The following LYPLAL1 variants were observed in gnomAD, a reference collection of about 807,000 sequenced individuals.
LYPLAL1 encodes lysophospholipase-like protein 1.
A neutral mutation model predicts 19.7 loss-of-function variants in LYPLAL1; 23 were observed. That is an observed-to-expected ratio of 1.17 (90% CI 0.84 to 1.65). The LOEUF (loss-of-function observed/expected upper bound fraction) is 1.65. LYPLAL1 is among the 40% of genes most tolerant of loss of function. LYPLAL1 has a pLI of 0.00. For missense variants in LYPLAL1, 355 were observed against 279.4 expected (o/e 1.27, Z -1.93); for synonymous variants, 119 against 96.3 (o/e 1.24, Z -1.38).
Position 219,211,556 on chromosome 1 carries a change from T to C in LYPLAL1, c.542T>C (p.Leu181Ser), listed in dbSNP as rs767027595. The change falls in exon 5 of 5, where the codon TTA becomes TCA. Residue 181 changes from leucine (L) to serine (S), a missense_variant. Physicochemically the swap from Leu to Ser is moderately radical, Grantham distance 145 (BLOSUM62 -2). Transcript: ENST00000366928. ...CAGTGTCATGGTACTGCAGATGAGTTAGTTCTTCATTCTTGGGCAGAAGAG... is the reference window on the plus strand; with the variant it reads ...CAGTGTCATGGTACTGCAGATGAGTCAGTTCTTCATTCTTGGGCAGAAGAG... The part of the protein sequence containing the change: ...LFQCHGTADE[L>S]VLHSWAEETN... 5.3e-5 allele frequency: 85 copies of C among 1,613,296 alleles called. No homozygotes were observed. The highest frequency in any genetic ancestry group is 7.0e-5 in the Non-Finnish European group (82 of 1,179,508).
At chr1:219,253,811 GT>G in the LYPLAL1 span, among the ~76,000 whole-genome samples, 1 of 152,142 alleles carries the variant, frequency 6.6e-6, no homozygotes, top group East Asian at 1.9e-4. Flanking sequence ...CCAGTGTTGA[GT>G]TTAGGTTCTG....
At chr1:219,438,416 A>C in the LYPLAL1 span, among the ~76,000 whole-genome samples, 1 of 152,206 alleles carries the variant, frequency 6.6e-6, no homozygotes, top group Non-Finnish European at 1.5e-5. Context: ...AGAGGTCTAT[A>C]AAATATTTTG....
chr1:219,216,700 T>G (rs1659301950), downstream of LYPLAL1, among the ~76,000 whole-genome samples: 1 of 152,064 alleles, frequency 6.6e-6, no homozygotes, highest in Non-Finnish European at 1.5e-5. Context: ...TCTGCAGATC[T>G]CTGGTACTCT....
the LYPLAL1 span, among the ~76,000 whole-genome samples, chr1:219,337,344 A>C: frequency 1.3e-5 from 2 of 152,078 alleles, no homozygotes; most frequent in Admixed American, 6.6e-5. Flanking sequence ...TAAATTATTC[A>C]GGGAATAAGA....
chr1:219,318,316 C>G, the LYPLAL1 span, among the ~76,000 whole-genome samples: 5 of 152,200 alleles, frequency 3.3e-5, no homozygotes, highest in Admixed American at 6.5e-5. Context: ...GAAGTCTTCC[C>G]TGCCTCATCA....
chr1:219,390,885 T>TA, the LYPLAL1 span, among the ~76,000 whole-genome samples: 4 of 152,184 alleles, frequency 2.6e-5, no homozygotes, highest in Non-Finnish European at 5.9e-5. Flanking sequence ...GACTTGCACT[T>TA]ATATTAACTT....
At chr1:219,287,164 A>G in the LYPLAL1 span, among the ~76,000 whole-genome samples, 394 of 152,278 alleles carry the variant, frequency 2.6e-3, 1 homozygote, top group Middle Eastern at 6.8e-3. Context: ...TCTAAAACCA[A>G]AACAATCCTC....
At chr1:219,382,179 G>A in the LYPLAL1 span, among the ~76,000 whole-genome samples, 1 of 152,200 alleles carries the variant, frequency 6.6e-6, no homozygotes, top group African/African-American at 2.4e-5. Flanking sequence ...GCCCTCTCTG[G>A]ATGAAGAATC....
chr1:219,351,437 T>A, the LYPLAL1 span, among the ~76,000 whole-genome samples: 2 of 152,064 alleles, frequency 1.3e-5, no homozygotes, highest in African/African-American at 2.4e-5. Context: ...ATACTTAATG[T>A]TACTAACCCA....
the LYPLAL1 span, among the ~76,000 whole-genome samples, chr1:219,313,379 T>G: frequency 6.6e-6 from 1 of 152,252 alleles, no homozygotes; most frequent in African/African-American, 2.4e-5. Context: ...TTTATCCTCA[T>G]GTTGGTGACT....
the LYPLAL1 span, among the ~76,000 whole-genome samples, chr1:219,244,604 A>G: frequency 6.6e-6 from 1 of 152,174 alleles, no homozygotes; most frequent in Admixed American, 6.5e-5. Context: ...CATTGTTCCT[A>G]CAATTCCAAA....
At chr1:219,221,379 A>C in the LYPLAL1 span, among the ~76,000 whole-genome samples, 1 of 152,152 alleles carries the variant, frequency 6.6e-6, no homozygotes, top group Non-Finnish European at 1.5e-5. Context: ...TTCATGTAGC[A>C]CCTAGATGTC....
At chr1:219,346,119 T>C in the LYPLAL1 span, among the ~76,000 whole-genome samples, 17 of 152,118 alleles carry the variant, frequency 1.1e-4, no homozygotes, top group African/African-American at 4.1e-4. Context: ...TCACTGAGAC[T>C]ATGAGTATTG....
chr1:219,283,654 C>T, the LYPLAL1 span, among the ~76,000 whole-genome samples: 8,594 of 152,198 alleles, frequency 0.056, 322 homozygotes, highest in Non-Finnish European at 0.08. Flanking sequence ...ATTGCCTGTA[C>T]AGCCTTTGGG....
the LYPLAL1 span, among the ~76,000 whole-genome samples, chr1:219,434,357 C>G: frequency 6.6e-6 from 1 of 152,152 alleles, no homozygotes; most frequent in Non-Finnish European, 1.5e-5. Flanking sequence ...TAGTTAAATG[C>G]TGTTTATTCT....
Position 219,193,214 on chromosome 1 carries a change from A to G in LYPLAL1, c.324A>G (p.Glu108=), listed in dbSNP as rs754614121. The change falls in exon 3 of 5, where the codon GAA becomes GAG. Residue 108 remains glutamate (E), a synonymous_variant. Coordinates refer to ENST00000366928, the MANE Select transcript of LYPLAL1 (RefSeq NM_138794.5). Reference sequence around the variant, plus strand: ...TGCTTACTGATTTGATTGATGAAGAAGTAAAAAGTGGCATCAAGAAGAACA... The same window carrying G: ...TGCTTACTGATTTGATTGATGAAGAGGTAAAAAGTGGCATCAAGAAGAACA... ...CQVLTDLIDE[E]VKSGIKKNRI... 9.9e-6 allele frequency: 16 copies of G among 1,610,494 alleles called. No individual in the cohort carries two copies. The East Asian group carries it at 1.6e-4, about 16-fold the overall frequency.
the LYPLAL1 span, among the ~76,000 whole-genome samples, chr1:219,372,544 A>C: frequency 6.6e-6 from 1 of 152,156 alleles, no homozygotes; most frequent in African/African-American, 2.4e-5. Context: ...ATAACAAAAA[A>C]AGTTTCACAC....
the LYPLAL1 span, among the ~76,000 whole-genome samples, chr1:219,419,375 G>A: frequency 6.6e-6 from 1 of 152,100 alleles, no homozygotes. Context: ...TATGATGGGT[G>A]AGTAGTCAGC....
At chr1:219,190,589 G>C (rs1336362602) in intron 2 of LYPLAL1, among the ~76,000 whole-genome samples, 1 of 49,966 alleles carries the variant, frequency 2.0e-5, no homozygotes, top group African/African-American at 7.8e-5. Flanking sequence ...TTTTTAAAAA[G>C]ACATTATATC....
Sources: allele counts gnomAD v4.1 joint callset (sites outside exome capture counted in the v4.1 genomes callset), GRCh38; gene constraint gnomAD v4.1.1; transcripts MANE v1.5; gene names NCBI Gene and HGNC (gene_info 2026-07-23, HGNC 2026-07-21).